ARMH1: variants seen among roughly 807,000 people sequenced by gnomAD.
The protein encoded by ARMH1 is armadillo-like helical domain containing protein 1.
In ARMH1, 34 loss-of-function variants were observed where a neutral mutation model predicts 50.2. The ratio of observed to expected loss-of-function variants is 0.68; its 90% CI spans 0.51 to 0.90. ARMH1 has a LOEUF of 0.90. Ranked by LOEUF, ARMH1 falls within the 40% of genes least tolerant of loss-of-function variation. The pLI is 0.00. For missense variants in ARMH1, 538 were observed against 553.9 expected, an observed-to-expected ratio of 0.97 and a Z score of 0.29; for synonymous variants, 221 against 224.2, an observed-to-expected ratio of 0.99 and a Z score of 0.13.
chr1:44,715,900 C>T (rs1249331905), intron 6 of ARMH1, among the ~76,000 whole-genome samples: 2 of 152,236 alleles, frequency 1.3e-5, no homozygotes, highest in East Asian at 3.8e-4. Context: ...TCAGCACCAG[C>T]ACTGCACCTA....
chr1:44,714,126 C>T (rs575586032), intron 6 of ARMH1, among the ~76,000 whole-genome samples: 25 of 151,922 alleles, frequency 1.6e-4, no homozygotes, highest in Non-Finnish European at 2.8e-4. Context: ...AAAAATTAGC[C>T]GGGCGTGGTG....
chr1:44,707,200 T>C (rs907695420), intron 6 of ARMH1, among the ~76,000 whole-genome samples: 5 of 152,042 alleles, frequency 3.3e-5, no homozygotes, highest in African/African-American at 1.2e-4. Context: ...TTTATCCTTA[T>C]ATCCTCAGCA....
intron 6 of ARMH1, among the ~76,000 whole-genome samples, chr1:44,709,663 T>C (rs1254572850): frequency 2.2e-5 from 3 of 135,998 alleles, no homozygotes; most frequent in East Asian, 2.1e-4. Context: ...AGAGTGAGAC[T>C]CCATCTCAGA....
At chr1:44,692,384 A>C (rs1645685514) in intron 2 of ARMH1, among the ~76,000 whole-genome samples, 1 of 152,152 alleles carries the variant, frequency 6.6e-6, no homozygotes, top group South Asian at 2.1e-4. Context: ...CTTCTTATAT[A>C]TATTCATAGA....
chr1:44,702,102 C>T (rs933500933), intron 5 of ARMH1, among the ~76,000 whole-genome samples: 3 of 152,136 alleles, frequency 2.0e-5, no homozygotes, highest in South Asian at 4.1e-4. Flanking sequence ...GAGACCCTGT[C>T]TCTAAAACAA....
chr1:44,723,339 G>A (rs1311062655), intron 6 of ARMH1, among the ~76,000 whole-genome samples: 3 of 152,158 alleles, frequency 2.0e-5, no homozygotes, highest in Non-Finnish European at 2.9e-5. Flanking sequence ...CCAATGCCGC[G>A]CCTGGCACCA....
intron 2 of ARMH1, among the ~76,000 whole-genome samples, chr1:44,695,649 C>CA (rs1439695607): frequency 6.6e-6 from 1 of 151,758 alleles, no homozygotes; most frequent in Non-Finnish European, 1.5e-5. Context: ...AAAAAACAAA[C>CA]AAAAAATAAA....
rs1447364738 is a variant in ARMH1 at position 44,704,083 on chromosome 1, G to C, written c.640-6G>C. 3.9e-6 allele frequency: 6 copies of C among 1,548,890 alleles called. No individual in the cohort carries two copies. The African/African-American group carries it at 6.9e-5, about 18-fold the overall frequency. ...AACCACCTTGTCCTGTTGTCTGTCTGGTCAGCCAATCATTGGGACCACACA... is the reference window on the plus strand; with the variant it reads ...AACCACCTTGTCCTGTTGTCTGTCTCGTCAGCCAATCATTGGGACCACACA... On this transcript the variant is annotated splice_region_variant and splice_polypyrimidine_tract_variant and intron_variant, in intron 5 of 11. Coordinates refer to ENST00000535358, the MANE Select transcript of ARMH1 (RefSeq NM_001145636.2).
rs1034943170 is a variant in ARMH1 at position 44,721,702 on chromosome 1, C to G, written c.725-2420C>G. ...CGCGACCACACCACTCCGCTACAAC[C>G]TGGGTGACATTTGTGGAGCTACCCC... On this transcript the variant is annotated intron_variant, in intron 6 of 11. Transcript: ENST00000535358. The G allele has an allele frequency of 5.9e-5, 9 of 152,112 alleles. No individual in the cohort carries two copies. In the South Asian group the frequency reaches 1.0e-3, roughly 18 times the overall value. 9.4% of individuals were successfully genotyped at this position (152,112 alleles called of 1,614,324 possible).
At chr1:44,677,939 T>C (rs1201839354) in intron 1 of ARMH1, among the ~76,000 whole-genome samples, 1 of 152,054 alleles carries the variant, frequency 6.6e-6, no homozygotes, top group Non-Finnish European at 1.5e-5. Context: ...CCTGAAATCC[T>C]GGGGGTGTAA....
Position 44,682,765 on chromosome 1 carries a change from A to T in ARMH1, c.-22-6911A>T, listed in dbSNP as rs1464817708. Among the ~76,000 whole-genome samples, 1 of 152,072 alleles carries T rather than the reference A, an allele frequency of 6.6e-6. No individual in the cohort carries two copies. The highest frequency in any genetic ancestry group is 1.5e-5 in the Non-Finnish European group (1 of 68,018). The stretch of plus-strand genomic sequence containing the variant: ...ACGAAGCAAGACCCCACCTCTACAA[A>T]AAATAAACAAATATAAAAATAAAAA... On this transcript the variant is annotated intron_variant, in intron 1 of 11. Transcript: ENST00000535358. The surrounding 1 kb of genome is among the most constrained non-coding windows in gnomAD (Gnocchi z 4.5).
chr1:44,676,959 T>C (rs1645160235), intron 1 of ARMH1, among the ~76,000 whole-genome samples: 1 of 152,226 alleles, frequency 6.6e-6, no homozygotes, highest in Non-Finnish European at 1.5e-5. Context: ...ACCAAAGTGT[T>C]GGTGAAGAAA....
chr1:44,720,197 CAAAA>C lies in ARMH1; in HGVS notation c.725-3905_725-3902del, dbSNP rs35873369. On this transcript the variant is annotated intron_variant, in intron 6 of 11. Coordinates refer to ENST00000535358, the MANE Select transcript of ARMH1 (RefSeq NM_001145636.2). Reference sequence around the variant, plus strand: ...GGGCAACAAGAGCAAAACTCTGTCTCAAAAAAAAAAAAAAAAAAAAAAAGTTGGC... The same window carrying C: ...GGGCAACAAGAGCAAAACTCTGTCTCAAAAAAAAAAAAAAAAAAAGTTGGC... 3.6e-4 allele frequency among the ~76,000 whole-genome samples: 25 copies of C among 69,198 alleles called. No individual in the cohort carries two copies. The East Asian group carries it at 5.7e-3, about 16-fold the overall frequency. The allele number at this position is 69,198 out of a possible 152,430, so 45.4% of individuals were successfully genotyped here.
At chr1:44,675,372 CTT>C (rs1243990226) in intron 1 of ARMH1, among the ~76,000 whole-genome samples, 1 of 152,146 alleles carries the variant, frequency 6.6e-6, no homozygotes, top group African/African-American at 2.4e-5. Flanking sequence ...GGGAAAGACT[CTT>C]TGCATGCCAG....
Position 44,724,861 on chromosome 1 carries a change from C to A in ARMH1, c.1128+22C>A. On this transcript the variant is annotated intron_variant, in intron 10 of 11. Coordinates refer to ENST00000535358, the MANE Select transcript of ARMH1 (RefSeq NM_001145636.2). This position sits in a 1 kb window ranked among gnomAD's most constrained non-coding sequence, Gnocchi z 6.4. ...CCTGGTAAGTGCGCCCTTCCTGCCC[C>A]GCCGCAATGAGCAGATGGCGGCTCG... 6.5e-7 allele frequency: 1 copy of A among 1,535,764 alleles called. No homozygotes were observed. The highest frequency in any genetic ancestry group is 1.2e-5 in the South Asian group (1 of 83,334).
Position 44,676,427 on chromosome 1 carries a change from A to C in ARMH1, c.-23+1554A>C, listed in dbSNP as rs746388486. ...ATAGATTTGTTGAGCTTGCCCAGGG[A>C]GTAAGTGTAGAGTCAGAAGAGACCT... On this transcript the variant is annotated intron_variant, in intron 1 of 11. Transcript: ENST00000535358. 4.7e-4 allele frequency among the ~76,000 whole-genome samples: 72 copies of C among 152,176 alleles called. 1 individual carries two copies. Among genetic ancestry groups the C allele is most frequent in the Admixed American group, 7.9e-4 (12 of 15,272 alleles).
rs1219741924 is a variant in ARMH1 at position 44,698,242 on chromosome 1, T to G, written c.442+13T>G. 2 of 1,544,668 alleles carry G rather than the reference T, an allele frequency of 1.3e-6. No individual in the cohort carries two copies. On this transcript the variant is annotated intron_variant, in intron 4 of 11. Coordinates refer to ENST00000535358, the MANE Select transcript of ARMH1 (RefSeq NM_001145636.2). ...TGTGAAAGCTATGGTGGGTACTGTG[T>G]GTGACAAGATGTGTCTCCCTAGGGG... is the stretch of plus-strand genomic sequence containing the variant.
intron 4 of ARMH1, among the ~76,000 whole-genome samples, chr1:44,700,325 AG>A (rs1465074382): frequency 6.6e-6 from 1 of 152,170 alleles, no homozygotes; most frequent in Non-Finnish European, 1.5e-5. Flanking sequence ...GTGCTATACA[AG>A]TGTTATCATG....
chr1:44,709,308 T>C (rs1256622029), intron 6 of ARMH1, among the ~76,000 whole-genome samples: 5 of 151,724 alleles, frequency 3.3e-5, no homozygotes, highest in Non-Finnish European at 7.3e-5. Flanking sequence ...TGGTTTCCCA[T>C]GTGGATGTCT....
Sources: allele counts gnomAD v4.1 joint callset (sites outside exome capture counted in the v4.1 genomes callset), GRCh38; gene constraint gnomAD v4.1.1; non-coding constraint Gnocchi (gnomAD v3.1); transcripts MANE v1.5; gene names NCBI Gene and HGNC (gene_info 2026-07-23, HGNC 2026-07-21).